Variants in TFAP2B observed in about 807,000 individuals in gnomAD.
The protein encoded by TFAP2B is transcription factor AP-2 beta, also known as transcription factor AP-2-beta.
Under a neutral mutation model 44.3 loss-of-function variants are expected in TFAP2B, and 9 were observed. The observed-to-expected ratio is 0.20, with a 90% CI of 0.12 to 0.35. The LOEUF (loss-of-function observed/expected upper bound fraction) is 0.35, where lower values mean the gene tolerates loss of function less well. Among genes scored for constraint, TFAP2B ranks in the 10% least tolerant of loss-of-function variants. The pLI is 1.00. For missense variants in TFAP2B, 509 were observed against 600.0 expected, an observed-to-expected ratio of 0.85 and a Z score of 1.59; for synonymous variants, 270 against 263.8, an observed-to-expected ratio of 1.02 and a Z score of -0.23.
At position 50,845,399 on chromosome 6, in the gene TFAP2B, G is replaced by A. The variant is rs1035743104; in HGVS notation, c.*2007G>A. ...GCCCATTTTTATTAAAAGAGGAAAG[G>A]GAAGTTAGGAAGCTCGTCTCAGGTC... On this transcript the variant is annotated 3_prime_UTR_variant, in exon 7 of 7. Coordinates refer to ENST00000393655, the MANE Select transcript of TFAP2B (RefSeq NM_003221.4). 7.9e-5 allele frequency: 12 copies of A among 152,246 alleles called. 1 individual carries two copies. Among genetic ancestry groups the A allele is most frequent in the Admixed American group, 7.9e-4 (12 of 15,278 alleles). The allele number at this position is 152,246 out of a possible 1,614,324, so 9.4% of individuals were successfully genotyped here.
intron 3 of TFAP2B, among the ~76,000 whole-genome samples, chr6:50,829,815 G>A (rs993500476): frequency 6.6e-6 from 1 of 152,212 alleles, no homozygotes; most frequent in Non-Finnish European, 1.5e-5. Flanking sequence ...CTTTTACAAA[G>A]TCAGGAAGAG....
In TFAP2B at chr6:50,836,144, G is replaced by T. The variant is rs1243132102; in HGVS notation, c.685G>T (p.Val229Leu). Residue 229 changes from valine (V) to leucine (L), a missense_variant, in exon 4 of 7, where the codon GTG becomes TTG. By Grantham distance (32) the Val-to-Leu change is conservative. Coordinates refer to ENST00000393655, the MANE Select transcript of TFAP2B (RefSeq NM_003221.4). Reference sequence around the variant, plus strand: ...AGGCATGTCTGTCAACACCGGCGAGGTGTTTTGCTCCGTCCCAGGCCGTTT... The same window carrying T: ...AGGCATGTCTGTCAACACCGGCGAGTTGTTTTGCTCCGTCCCAGGCCGTTT... Reference protein sequence around the residue: ...LGGMSVNTGEVFCSVPGRLSL... With the variant: ...LGGMSVNTGELFCSVPGRLSL... 6.2e-7 allele frequency: 1 copy of T among 1,614,182 alleles called. No homozygotes were observed. Among genetic ancestry groups the T allele is most frequent in the Non-Finnish European group, 8.5e-7 (1 of 1,180,038 alleles).
In TFAP2B at chr6:50,844,301, AAAC is replaced by A. The variant is rs746314696; in HGVS notation, c.*911_*913del. The A allele has an allele frequency of 2.1e-3, 142 of 68,510 alleles. No individual in the cohort carries two copies. The highest frequency in any genetic ancestry group is 6.4e-3 in the East Asian group (7 of 1,098). The allele number at this position is 68,510 out of a possible 1,614,324, so 4.2% of individuals were successfully genotyped here. On this transcript the variant is annotated 3_prime_UTR_variant, in exon 7 of 7. Coordinates refer to ENST00000393655, the MANE Select transcript of TFAP2B (RefSeq NM_003221.4). ...TTTATGAACTATAGTAAAAAAAAAA[AAAC>A]ACACACACACACAATATGAATACGT...
chr6:50,823,860 G>A lies in TFAP2B; in HGVS notation c.535G>A (p.Val179Ile), dbSNP rs1397552260. The change falls in exon 2 of 7, where the codon GTC (valine) becomes ATC (isoleucine). Residue 179 changes from valine (V) to isoleucine (I), a missense_variant. By Grantham distance (29) the Val-to-Ile change is conservative. Coordinates refer to ENST00000393655, the MANE Select transcript of TFAP2B (RefSeq NM_003221.4). ...CCTCGGCCATCCCGGAATGGAAGACGTCCAGGTAACCACAAACAAACAAAC... is the reference window on the plus strand; with the variant it reads ...CCTCGGCCATCCCGGAATGGAAGACATCCAGGTAACCACAAACAAACAAAC... ...HGLGHPGMED[V>I]QSVEDANNSG... The A allele has an allele frequency of 1.3e-6, 2 of 1,543,648 alleles. No homozygotes were observed. The highest frequency in any genetic ancestry group is 1.7e-6 in the Non-Finnish European group (2 of 1,149,288).
At chr6:50,825,473 GAA>G (rs1770478138) in intron 2 of TFAP2B, among the ~76,000 whole-genome samples, 4 of 152,034 alleles carry the variant, frequency 2.6e-5, no homozygotes, top group Admixed American at 2.6e-4. Context: ...TGACTCTAGC[GAA>G]GGAACTCAGA....
At chr6:50,821,050 A>AT (rs1227948647) in intron 1 of TFAP2B, among the ~76,000 whole-genome samples, 1 of 152,210 alleles carries the variant, frequency 6.6e-6, no homozygotes, top group Admixed American at 6.5e-5. Flanking sequence ...GAAGGAGCCT[A>AT]TTTAAGTCTG....
intron 4 of TFAP2B, 77 bp downstream of exon 4, chr6:50,836,357 G>A: frequency 7.8e-7 from 1 of 1,286,306 alleles, no homozygotes; most frequent in African/African-American, 1.5e-5. Flanking sequence ...ATTGGACAGT[G>A]AGGAGAAGGT....
intron 4 of TFAP2B, among the ~76,000 whole-genome samples, chr6:50,837,367 A>G (rs1423309354): frequency 1.3e-5 from 2 of 152,190 alleles, no homozygotes; most frequent in African/African-American, 4.8e-5. Flanking sequence ...TTAAGCCTGT[A>G]TATATAAATT....
chr6:50,835,501 T>C (rs1347447328), intron 3 of TFAP2B, among the ~76,000 whole-genome samples: 2 of 152,198 alleles, frequency 1.3e-5, no homozygotes, highest in Non-Finnish European at 2.9e-5. Flanking sequence ...TTCTTGGGCA[T>C]AGTATCTGAT....
At chr6:50,828,313 A>C (rs1770583120) in intron 2 of TFAP2B, among the ~76,000 whole-genome samples, 1 of 152,242 alleles carries the variant, frequency 6.6e-6, no homozygotes, top group Non-Finnish European at 1.5e-5. Flanking sequence ...AATTTTTACA[A>C]TTCATAAGAG....
rs964180773 is a variant in TFAP2B, at chr6:50,847,499, T to A, written c.*4107T>A. On this transcript the variant is annotated 3_prime_UTR_variant, in exon 7 of 7. Transcript: ENST00000393655. ...AAAAACCTCTTGACCCTAGATAGAA[T>A]CCTATCTGAATTTTTCTGTTCTTTA... The A allele has an allele frequency of 1.0e-4, 16 of 152,650 alleles. No individual in the cohort carries two copies. Among genetic ancestry groups the A allele is most frequent in the African/African-American group, 3.9e-4 (16 of 41,454 alleles). 9.5% of individuals were successfully genotyped at this position (152,650 alleles called of 1,614,324 possible). A position where few individuals can be genotyped will look rare whatever the true frequency, so the allele number is the denominator to read the frequency against.
At chr6:50,818,761 T>C (rs1187939192), upstream of TFAP2B, 1 of 775,984 alleles carries the variant, frequency 1.3e-6, no homozygotes, top group Admixed American at 2.1e-5. Context: ...CAGCCTATTG[T>C]TTGAGACAAC....
Position 50,845,150 on chromosome 6 carries a change from CTAAA to C in TFAP2B, c.*1761_*1764del, listed in dbSNP as rs1762818906. 6.6e-6 allele frequency: 1 copy of C among 152,180 alleles called. No homozygotes were observed. Among genetic ancestry groups the C allele is most frequent in the Non-Finnish European group, 1.5e-5 (1 of 68,038 alleles). The allele number at this position is 152,180 out of a possible 1,614,324, so 9.4% of individuals were successfully genotyped here. On this transcript the variant is annotated 3_prime_UTR_variant, in exon 7 of 7. Coordinates refer to ENST00000393655, the MANE Select transcript of TFAP2B (RefSeq NM_003221.4). ...GGATAAGGGTGAATGAGAGAGGTCTCTAAATATAGTGTTGATACACTCACCTATT... is the reference window on the plus strand; with the variant it reads ...GGATAAGGGTGAATGAGAGAGGTCTCTATAGTGTTGATACACTCACCTATT...
At chr6:50,837,433 CA>C (rs745471252) in intron 4 of TFAP2B, among the ~76,000 whole-genome samples, 51 of 152,156 alleles carry the variant, frequency 3.4e-4, no homozygotes, top group Admixed American at 2.5e-3. Flanking sequence ...ACTACACTTC[CA>C]AAAGTGTTAG....
rs1159635496 is a variant in TFAP2B, at chr6:50,844,412, A to T, written c.*1020A>T. On this transcript the variant is annotated 3_prime_UTR_variant, in exon 7 of 7. Transcript: ENST00000393655. ...CAAAGCTTTGCCCGCATGGTTTATG[A>T]GCTTCTTCAAAGAGGACTTGGGCTT... is the stretch of plus-strand genomic sequence containing the variant. The T allele has an allele frequency of 1.3e-5, 2 of 152,462 alleles. No homozygotes were observed. The highest frequency in any genetic ancestry group is 2.9e-5 in the Non-Finnish European group (2 of 68,016). 9.4% of individuals were successfully genotyped at this position (152,462 alleles called of 1,614,324 possible).
intron 3 of TFAP2B, among the ~76,000 whole-genome samples, chr6:50,833,396 A>G (rs1762554256): frequency 6.6e-6 from 1 of 152,228 alleles, no homozygotes; most frequent in South Asian, 2.1e-4. Context: ...GGGGACCAAT[A>G]CTAAGGAGAG....
chr6:50,833,100 C>T (rs1051406261), intron 3 of TFAP2B, among the ~76,000 whole-genome samples: 5 of 152,170 alleles, frequency 3.3e-5, no homozygotes, highest in African/African-American at 4.8e-5. Context: ...TTGCCATGCC[C>T]CATTTCCTTA....
intron 2 of TFAP2B, among the ~76,000 whole-genome samples, chr6:50,825,957 C>T (rs916440570): frequency 5.9e-5 from 9 of 152,120 alleles, no homozygotes; most frequent in Non-Finnish European, 1.3e-4. Flanking sequence ...ACAGACCTCC[C>T]AAGGCCAGGG....
chr6:50,820,542 G>A (rs1770313590), intron 1 of TFAP2B, among the ~76,000 whole-genome samples: 1 of 152,264 alleles, frequency 6.6e-6, no homozygotes, highest in African/African-American at 2.4e-5. Context: ...AATGATGCTT[G>A]GGGTTTTCCT....
Sources: allele counts gnomAD v4.1 joint callset (sites outside exome capture counted in the v4.1 genomes callset), GRCh38; gene constraint gnomAD v4.1.1; transcripts MANE v1.5; gene names NCBI Gene and HGNC (gene_info 2026-07-23, HGNC 2026-07-21).